The following BPIFB1 variants were observed in gnomAD, a reference collection of about 807,000 sequenced individuals.
BPIFB1 encodes the protein BPI fold containing family B member 1.
Under a neutral mutation model 55.1 loss-of-function variants are expected in BPIFB1, and 34 were observed. That is an observed-to-expected ratio of 0.62 (90% CI 0.47 to 0.82). BPIFB1 has a LOEUF of 0.82. BPIFB1 is among the 40% of genes least tolerant of loss of function. The pLI, the probability that BPIFB1 is intolerant of heterozygous loss-of-function variation, is 0.00. For missense variants in BPIFB1, 532 were observed against 593.1 expected, an observed-to-expected ratio of 0.90 and a Z score of 1.07; for synonymous variants, 236 against 245.3, an observed-to-expected ratio of 0.96 and a Z score of 0.35.
At position 33,302,541 on chromosome 20, in the gene BPIFB1, C is replaced by T. The variant is rs371068304; in HGVS notation, c.981+129C>T. ...GGGACACTCAAACCGCATCCCTGTC[C>T]GCACAGAGATTTCAGTCTAGCAGGC... On this transcript the variant is annotated intron_variant, in intron 10 of 15. Coordinates refer to ENST00000253354, the MANE Select transcript of BPIFB1 (RefSeq NM_033197.3). 25 of 1,023,802 alleles carry T rather than the reference C, an allele frequency of 2.4e-5. No homozygotes were observed. The Middle Eastern group carries it at 1.2e-3, about 51-fold the overall frequency. The allele number at this position is 1,023,802 out of a possible 1,614,324, so 63.4% of individuals were successfully genotyped here.
In BPIFB1 at chr20:33,288,846, G is replaced by C. The variant is rs1366956948; in HGVS notation, c.221G>C (p.Gly74Ala). ...CCAGCCGGAGGCATCCCTGTGCTGG[G>C]CAGCCTGGTGAACACCGTCCTGAAG... is the stretch of plus-strand genomic sequence containing the variant. ...EKPAGGIPVL[G>A]SLVNTVLKHI... The change falls in exon 3 of 16, where the codon GGC (glycine) becomes GCC (alanine). Residue 74 changes from glycine to alanine, a missense_variant. Transcript: ENST00000253354. 6.2e-7 allele frequency: 1 copy of C among 1,613,860 alleles called. No individual in the cohort carries two copies. The highest frequency in any genetic ancestry group is 1.1e-5 in the South Asian group (1 of 91,072).
chr20:33,297,561 T>C lies in BPIFB1; in HGVS notation c.634T>C (p.Tyr212His), dbSNP rs757014973. 7 of 1,614,206 alleles carry C rather than the reference T, an allele frequency of 4.3e-6. No homozygotes were observed. Among genetic ancestry groups the C allele is most frequent in the South Asian group, 3.3e-5 (3 of 91,084 alleles). ...GATCGAGGCTTCCTTCAATGGCATGTATGCAGACCTCCTGCAGCTGGTGAA... is the reference window on the plus strand; with the variant it reads ...GATCGAGGCTTCCTTCAATGGCATGCATGCAGACCTCCTGCAGCTGGTGAA... ...PVIEASFNGM[Y>H]ADLLQLVKVP... Residue 212 changes from tyrosine to histidine, a missense_variant, in exon 7 of 16, where the codon TAT becomes CAT. Transcript: ENST00000253354.
intron 15 of BPIFB1, 54 bp downstream of exon 15, chr20:33,307,041 A>G: frequency 6.5e-7 from 1 of 1,533,968 alleles, no homozygotes; most frequent in African/African-American, 1.4e-5. Context: ...AGCCACTGAG[A>G]GCCCTGGCTG....
At chr20:33,308,543 C>G (rs1265641035) in intron 15 of BPIFB1, among the ~76,000 whole-genome samples, 8 of 146,096 alleles carry the variant, frequency 5.5e-5, no homozygotes, top group Non-Finnish European at 1.1e-4. Flanking sequence ...CATACACACA[C>G]ACACCTTTAT....
intron 5 of BPIFB1, 40 bp downstream of exon 5, chr20:33,291,146 T>C: frequency 6.2e-7 from 1 of 1,601,064 alleles, no homozygotes; most frequent in Admixed American, 1.7e-5. Context: ...CCATCCTGCC[T>C]GGAAGGAACG....
At chr20:33,303,459 C>G (rs1292342010) in intron 11 of BPIFB1, among the ~76,000 whole-genome samples, 2 of 152,200 alleles carry the variant, frequency 1.3e-5, no homozygotes, top group African/African-American at 2.4e-5. Flanking sequence ...GCAAGCTATT[C>G]CCTCATGGTA....
Position 33,289,928 on chromosome 20 carries a change from C to G in BPIFB1, c.301C>G (p.Pro101Ala). Residue 101 changes from proline to alanine, a missense_variant, in exon 4 of 16, where the codon CCC (proline) becomes GCC (alanine). Coordinates refer to ENST00000253354, the MANE Select transcript of BPIFB1 (RefSeq NM_033197.3). ...TANILQLQVK[P>A]SANDQELLVK... ...TAACATCCTCCAGCTGCAGGTGAAG[C>G]CCTCGGCCAATGACCAGGAGCTGCT... 6.2e-7 allele frequency: 1 copy of G among 1,614,194 alleles called. No individual in the cohort carries two copies. Among genetic ancestry groups the G allele is most frequent in the Non-Finnish European group, 8.5e-7 (1 of 1,180,036 alleles).
chr20:33,302,625 A>C, intron 10 of BPIFB1: 1 of 655,870 alleles, frequency 1.5e-6, no homozygotes, highest in South Asian at 1.8e-5. Flanking sequence ...CTGCAGTAAC[A>C]CAGGACAGGT....
chr20:33,292,077 A>C, intron 6 of BPIFB1, 89 bp downstream of exon 6: 1 of 1,199,266 alleles, frequency 8.3e-7, no homozygotes, highest in Non-Finnish European at 1.2e-6. Flanking sequence ...AAGTGACTGG[A>C]GTCTCCTTGG....
At chr20:33,301,548 C>A in intron 9 of BPIFB1, 136 bp downstream of exon 9, 1 of 761,914 alleles carries the variant, frequency 1.3e-6, no homozygotes, top group South Asian at 2.0e-5. Context: ...CTCTAATAGA[C>A]CCTGCCTCTG....
intron 5 of BPIFB1, 54 bp downstream of exon 5, chr20:33,291,160 G>C: frequency 6.3e-7 from 1 of 1,590,328 alleles, no homozygotes; most frequent in Non-Finnish European, 8.5e-7. Context: ...AGGAACGCCA[G>C]GCAGTGGACT....
At chr20:33,295,220 A>C (rs1224558820) in intron 6 of BPIFB1, among the ~76,000 whole-genome samples, 2 of 149,534 alleles carry the variant, frequency 1.3e-5, no homozygotes, top group Non-Finnish European at 3.0e-5. Flanking sequence ...ATCTCAAAAA[A>C]AAAAAAATTA....
chr20:33,290,480 T>C (rs1303100541), intron 4 of BPIFB1, among the ~76,000 whole-genome samples: 1 of 152,040 alleles, frequency 6.6e-6, no homozygotes, highest in Non-Finnish European at 1.5e-5. Context: ...AGAAGTTGAT[T>C]GGATTCTGGA....
Position 33,286,090 on chromosome 20 carries a change from C to G in BPIFB1, c.17C>G (p.Thr6Ser), listed in dbSNP as rs1189636452. 6.2e-7 allele frequency: 1 copy of G among 1,614,094 alleles called. No homozygotes were observed. The highest frequency in any genetic ancestry group is 1.7e-5 in the Admixed American group (1 of 60,012). ...CCTGGGAAGATGGCCGGCCCGTGGA[C>G]CTTCACCCTTCTCTGTGGTTTGCTG... is the stretch of plus-strand genomic sequence containing the variant. MAGPW[T>S]FTLLCGLLAA... Residue 6 changes from threonine to serine, a missense_variant, in exon 2 of 16, where the codon ACC becomes AGC. Transcript: ENST00000253354.
At chr20:33,293,666 T>C (rs368495297) in intron 6 of BPIFB1, among the ~76,000 whole-genome samples, 8 of 152,052 alleles carry the variant, frequency 5.3e-5, no homozygotes, top group African/African-American at 1.9e-4. Flanking sequence ...GAGAAACCCA[T>C]CTCTACAGAA....
At chr20:33,305,269 T>G (rs1176918889) in intron 13 of BPIFB1, among the ~76,000 whole-genome samples, 1 of 151,640 alleles carries the variant, frequency 6.6e-6, no homozygotes, top group East Asian at 1.9e-4. Flanking sequence ...TACCTCAGTC[T>G]GGCGTGTTTT....
At chr20:33,294,028 C>A (rs758227331) in intron 6 of BPIFB1, among the ~76,000 whole-genome samples, 1 of 152,106 alleles carries the variant, frequency 6.6e-6, no homozygotes. Context: ...TATACTATTA[C>A]GTTTGTTTCT....
At chr20:33,297,761 G>C in intron 7 of BPIFB1, 173 bp downstream of exon 7, 1 of 682,064 alleles carries the variant, frequency 1.5e-6, no homozygotes. Flanking sequence ...ACAGAAATTC[G>C]CCACGACTAG....
rs372509973 is a variant in BPIFB1 at position 33,305,619 on chromosome 20, T to G, written c.1255-383T>G. 3.5e-4 allele frequency among the ~76,000 whole-genome samples: 54 copies of G among 152,172 alleles called. 1 individual carries two copies. In the East Asian group the frequency reaches 7.5e-3, roughly 21 times the overall value. ...GGCATGAGCCACCATGCCCGGTGAC[T>G]AATATTTTAAAACACGGAGAGTTCC... On this transcript the variant is annotated intron_variant, in intron 13 of 15. Coordinates refer to ENST00000253354, the MANE Select transcript of BPIFB1 (RefSeq NM_033197.3).
Sources: gnomAD v4.1 joint callset for allele counts (sites outside exome capture counted in the v4.1 genomes callset) on GRCh38, gnomAD v4.1.1 for gene constraint, MANE v1.5 for transcripts, NCBI Gene and HGNC (gene_info 2026-07-23, HGNC 2026-07-21) for gene names.